The following KDM4C variants were observed in gnomAD, a reference collection of about 807,000 sequenced individuals.
The protein encoded by KDM4C is lysine-specific demethylase 4C.
A neutral mutation model predicts 129.3 loss-of-function variants in KDM4C; 81 were observed. The observed-to-expected ratio is 0.63, with a 90% confidence interval of 0.52 to 0.75. KDM4C has a LOEUF of 0.75. Among genes scored for constraint, KDM4C ranks in the 30% least tolerant of loss-of-function variants. The pLI, the probability that KDM4C is intolerant of heterozygous loss-of-function variation, is 0.00. For missense variants in KDM4C, 1,457 were observed against 1,304.0 expected (o/e 1.12, Z -1.81); for synonymous variants, 573 against 456.1 (o/e 1.26, Z -3.26).
At chr9:6,785,243 A>C (rs11794756) in intron 1 of KDM4C, among the ~76,000 whole-genome samples, 10,289 of 152,134 alleles carry the variant, frequency 0.068, 427 homozygotes, top group East Asian at 0.2. Context: ...GTTTGCCAGG[A>C]GTCCTTGGCA....
At chr9:6,886,858 T>C (rs1563760700) in intron 6 of KDM4C, among the ~76,000 whole-genome samples, 1 of 152,044 alleles carries the variant, frequency 6.6e-6, no homozygotes, top group Non-Finnish European at 1.5e-5. Flanking sequence ...CCTCAAGTGA[T>C]CCACCTGCCT....
At chr9:7,059,252 C>T (rs1393549710) in intron 17 of KDM4C, among the ~76,000 whole-genome samples, 1 of 152,208 alleles carries the variant, frequency 6.6e-6, no homozygotes, top group African/African-American at 2.4e-5. Flanking sequence ...TGGGCTTAAG[C>T]GATCCTCCCA....
At chr9:6,891,886 A>G (rs996903598) in intron 7 of KDM4C, among the ~76,000 whole-genome samples, 4 of 152,194 alleles carry the variant, frequency 2.6e-5, no homozygotes, top group African/African-American at 9.6e-5. Context: ...GGCATGGGAT[A>G]TACAGGTATA....
intron 8 of KDM4C, among the ~76,000 whole-genome samples, chr9:6,940,338 G>A (rs1825720788): frequency 6.6e-6 from 1 of 152,106 alleles, no homozygotes; most frequent in African/African-American, 2.4e-5. Context: ...ACTGTGCCTA[G>A]CTGAGACAAT....
chr9:6,758,731 C>T lies in KDM4C; in HGVS notation c.-18+528C>T, dbSNP rs1027577874. On this transcript the variant is annotated intron_variant, in intron 1 of 21. Transcript: ENST00000381309. The surrounding 1 kb of genome is among the most constrained non-coding windows in gnomAD (Gnocchi z 4.6). ...CCTCGCGGCTGTCCTTTTGGTGTTT[C>T]TTTCCCCCGGCATGGGGCCATTTCT... Among the ~76,000 whole-genome samples the T allele has an allele frequency of 1.3e-5, 2 of 152,230 alleles. No homozygotes were observed. The highest frequency in any genetic ancestry group is 2.1e-4 in the South Asian group (1 of 4,836).
chr9:6,755,851 T>C (rs1818236567), upstream of KDM4C, among the ~76,000 whole-genome samples: 1 of 152,222 alleles, frequency 6.6e-6, no homozygotes, highest in Admixed American at 6.5e-5. Context: ...CTCTTCACTT[T>C]CCAAGACTGT....
intron 6 of KDM4C, among the ~76,000 whole-genome samples, chr9:6,885,528 C>A (rs1167206355): frequency 6.6e-6 from 1 of 152,010 alleles, no homozygotes; most frequent in Non-Finnish European, 1.5e-5. Flanking sequence ...ATTATCCTAG[C>A]CTTCCATCCC....
chr9:6,977,022 A>G (rs555045042), intron 8 of KDM4C, among the ~76,000 whole-genome samples: 2 of 152,230 alleles, frequency 1.3e-5, no homozygotes, highest in South Asian at 4.1e-4. Flanking sequence ...TAATTTTTGT[A>G]TTTTTGGTAG....
chr9:7,037,731 C>G lies in KDM4C; in HGVS notation c.2260-9131C>G, dbSNP rs150068669. 4.7e-3 allele frequency among the ~76,000 whole-genome samples: 712 copies of G among 152,096 alleles called. 6 individuals carry two copies. Among genetic ancestry groups the G allele is most frequent in the African/African-American group, 0.014 (572 of 41,508 alleles). On this transcript the variant is annotated intron_variant, in intron 15 of 21. Transcript: ENST00000381309. Reference sequence around the variant, plus strand: ...TTTTTTCATTTATCTTTTAACCACCCTGAGGAAAAAAATATACAGCAGAAT... The same window carrying G: ...TTTTTTCATTTATCTTTTAACCACCGTGAGGAAAAAAATATACAGCAGAAT...
chr9:7,097,055 T>C (rs975372498), intron 17 of KDM4C, among the ~76,000 whole-genome samples: 22 of 152,204 alleles, frequency 1.4e-4, no homozygotes, highest in Admixed American at 5.2e-4. Context: ...TACTTCCATC[T>C]AGAATGTTTT....
intron 1 of KDM4C, among the ~76,000 whole-genome samples, chr9:6,783,222 GT>G (rs1824751053): frequency 6.6e-6 from 1 of 152,134 alleles, no homozygotes; most frequent in African/African-American, 2.4e-5. Flanking sequence ...CTGTGTACTT[GT>G]TCTTTCCTGC....
At chr9:6,941,099 C>T (rs1825856053) in intron 8 of KDM4C, among the ~76,000 whole-genome samples, 2 of 151,368 alleles carry the variant, frequency 1.3e-5, no homozygotes, top group Admixed American at 6.6e-5. Flanking sequence ...GGCACAATCT[C>T]AGCTCACTGC....
Position 6,733,655 on chromosome 9 carries a change from G to A in KDM4C, c.49+12658G>A, listed in dbSNP as rs140056433. 6.1e-4 allele frequency among the ~76,000 whole-genome samples: 93 copies of A among 152,306 alleles called. 3 individuals are homozygous for A. The East Asian group carries it at 0.01, about 16-fold the overall frequency. On this transcript the variant is annotated intron_variant, in intron 1 of 17. Transcript: ENST00000536108. ...CCCCAAGAGAGGGTTGTTGGATCTC[G>A]CGCAAGAAAGAGTTCAGGGAGAGTC...
chr9:6,933,632 ACTTGT>A (rs568768391), intron 8 of KDM4C, among the ~76,000 whole-genome samples: 56 of 152,332 alleles, frequency 3.7e-4, no homozygotes, highest in African/African-American at 1.3e-3. Flanking sequence ...GTAAAGTTTA[ACTTGT>A]TGGTAATTTG....
intron 1 of KDM4C, among the ~76,000 whole-genome samples, chr9:6,762,529 G>GT (rs1819760501): frequency 6.6e-6 from 1 of 151,496 alleles, no homozygotes; most frequent in South Asian, 2.1e-4. Flanking sequence ...TAAAGTCACA[G>GT]TATCTTTTTT....
chr9:7,092,405 C>T (rs536054355), intron 17 of KDM4C, among the ~76,000 whole-genome samples: 1 of 152,226 alleles, frequency 6.6e-6, no homozygotes, highest in South Asian at 2.1e-4. Flanking sequence ...GCAAGTGTTA[C>T]CTTTATTACA....
chr9:7,146,313 C>T (rs987372065), intron 19 of KDM4C, among the ~76,000 whole-genome samples: 11 of 152,042 alleles, frequency 7.2e-5, no homozygotes, highest in Non-Finnish European at 1.3e-4. Context: ...TCCATATGAA[C>T]GTGTTTTATT....
intron 12 of KDM4C, among the ~76,000 whole-genome samples, chr9:6,997,458 G>A (rs1394649906): frequency 1.3e-5 from 2 of 152,226 alleles, no homozygotes; most frequent in African/African-American, 4.8e-5. Context: ...AGGGCAATAT[G>A]ATAGAAGAGA....
At chr9:6,885,251 ATATAAGTGGAATCATAC>A (rs1328934485) in intron 6 of KDM4C, among the ~76,000 whole-genome samples, 1 of 152,198 alleles carries the variant, frequency 6.6e-6, no homozygotes, top group Non-Finnish European at 1.5e-5. Context: ...CTAAAGTGTC[ATATAAGTGGAATCATAC>A]TATGTGTAGA....
Sources: gnomAD v4.1 joint callset for allele counts (sites outside exome capture counted in the v4.1 genomes callset) on GRCh38, gnomAD v4.1.1 for gene constraint, Gnocchi (gnomAD v3.1) non-coding constraint, MANE v1.5 for transcripts, NCBI Gene and HGNC (gene_info 2026-07-23, HGNC 2026-07-21) for gene names.